The following PHLPP1 variants were observed in gnomAD, a reference collection of about 807,000 sequenced individuals.
The protein encoded by PHLPP1 is PH domain leucine-rich repeat-containing protein phosphatase 1.
PHLPP1 carries 42 observed loss-of-function variants against 117.2 expected under a neutral mutation model. The ratio of observed to expected loss-of-function variants is 0.36; its 90% CI spans 0.28 to 0.46. The LOEUF is 0.46. Among genes scored for constraint, PHLPP1 ranks in the 20% least tolerant of loss-of-function variants. The pLI is 1.00. For synonymous variants in PHLPP1, 1,042 were observed against 970.7 expected, an observed-to-expected ratio of 1.07 and a Z score of -1.37; for missense variants, 2,084 against 2,241.9, an observed-to-expected ratio of 0.93 and a Z score of 1.42.
chr18:62,896,408 C>T (rs1291497872), intron 6 of PHLPP1, among the ~76,000 whole-genome samples: 2 of 151,716 alleles, frequency 1.3e-5, no homozygotes, highest in African/African-American at 4.8e-5. Flanking sequence ...TCTCCTGTCT[C>T]AGCCTCCCTA....
chr18:62,864,402 T>C (rs1420402120), intron 4 of PHLPP1, among the ~76,000 whole-genome samples: 2 of 152,102 alleles, frequency 1.3e-5, no homozygotes, highest in African/African-American at 4.8e-5. Context: ...TTCTTCAGGC[T>C]GAATAGGGAC....
intron 8 of PHLPP1, among the ~76,000 whole-genome samples, chr18:62,912,606 CTT>C (rs1238031009): frequency 6.6e-6 from 1 of 151,468 alleles, no homozygotes; most frequent in Non-Finnish European, 1.5e-5. Flanking sequence ...ATATAAATAT[CTT>C]GAACAGTTCT....
rs760311012 is a variant in PHLPP1, at chr18:62,975,381, T to C, written c.3756-16T>C. On this transcript the variant is annotated splice_polypyrimidine_tract_variant and intron_variant, in intron 15 of 16. Transcript: ENST00000262719. ...TGGGCTGTGTTTGAGTGTCACCCCCTCTCTTCGGATTCCAGGAAACTTGGA... is the reference window on the plus strand; with the variant it reads ...TGGGCTGTGTTTGAGTGTCACCCCCCCTCTTCGGATTCCAGGAAACTTGGA... 8 of 1,587,424 alleles carry C rather than the reference T, an allele frequency of 5.0e-6. No individual in the cohort carries two copies. The highest frequency in any genetic ancestry group is 3.3e-5 in the Admixed American group (2 of 59,968).
At chr18:62,817,800 A>G (rs907740961) in intron 1 of PHLPP1, among the ~76,000 whole-genome samples, 2 of 152,156 alleles carry the variant, frequency 1.3e-5, no homozygotes, top group Non-Finnish European at 2.9e-5. Flanking sequence ...AAATCTTTAA[A>G]AAAGCACTGA....
intron 12 of PHLPP1, among the ~76,000 whole-genome samples, chr18:62,955,830 T>C (rs918455015): frequency 6.6e-6 from 1 of 152,206 alleles, no homozygotes; most frequent in African/African-American, 2.4e-5. Context: ...ACTACTTGCA[T>C]CCTAAATTAC....
At chr18:62,720,810 A>G (rs1335390484) in intron 1 of PHLPP1, among the ~76,000 whole-genome samples, 1 of 152,080 alleles carries the variant, frequency 6.6e-6, no homozygotes. Context: ...GATAACATCT[A>G]CAATACATTG....
At chr18:62,858,172 T>C (rs1915543702) in intron 3 of PHLPP1, among the ~76,000 whole-genome samples, 1 of 152,164 alleles carries the variant, frequency 6.6e-6, no homozygotes, top group Admixed American at 6.5e-5. Flanking sequence ...TAGAGATAAG[T>C]CCTGCCCAGC....
intron 1 of PHLPP1, among the ~76,000 whole-genome samples, chr18:62,730,524 A>T (rs900684596): frequency 3.3e-5 from 5 of 152,106 alleles, no homozygotes; most frequent in East Asian, 1.9e-4. Flanking sequence ...AGGTGATTTT[A>T]AAAAAATCTG....
intron 9 of PHLPP1, among the ~76,000 whole-genome samples, chr18:62,919,079 AAATT>A (rs1161413532): frequency 1.3e-5 from 2 of 152,170 alleles, no homozygotes; most frequent in South Asian, 2.1e-4. Context: ...GCAGATTAAT[AAATT>A]AATTTATTAA....
intron 12 of PHLPP1, among the ~76,000 whole-genome samples, chr18:62,952,635 A>AT (rs1361428005): frequency 6.6e-6 from 1 of 152,146 alleles, no homozygotes; most frequent in Non-Finnish European, 1.5e-5. Context: ...TACAAATATG[A>AT]TTTTTTTAAA....
rs369245227 is a variant in PHLPP1, at chr18:62,838,795, G to A, written c.1785G>A (p.Val595=). Residue 595 remains valine (V), a synonymous_variant, in exon 3 of 17, where the codon GTG becomes GTA. Transcript: ENST00000262719. ...LPLIGGKVEE[V]KKHQHCLAFS... ...GTTTGCTTTTATAGGTAGAAGAAGT[G>A]AAAAAGCACCAACACTGTTTAGCAT... The A allele has an allele frequency of 1.4e-4, 222 of 1,613,556 alleles. No individual in the cohort carries two copies. The highest frequency in any genetic ancestry group is 1.7e-4 in the Non-Finnish European group (197 of 1,179,704).
At position 62,756,871 on chromosome 18, in the gene PHLPP1, T is replaced by C. The variant is rs192955262; in HGVS notation, c.1576+39612T>C. On this transcript the variant is annotated intron_variant, in intron 1 of 16. Coordinates refer to ENST00000262719, the MANE Select transcript of PHLPP1 (RefSeq NM_194449.4). ...AGCACATGGCTATTTGCAGGACAGGTAGATACTTCAACAAAAGTGGGGTTT... is the reference window on the plus strand; with the variant it reads ...AGCACATGGCTATTTGCAGGACAGGCAGATACTTCAACAAAAGTGGGGTTT... Among the ~76,000 whole-genome samples, 14 of 152,226 alleles carry C rather than the reference T, an allele frequency of 9.2e-5. No homozygotes were observed. In the East Asian group the frequency reaches 2.5e-3, roughly 27 times the overall value.
At chr18:62,958,553 A>G (rs1331405334) in intron 12 of PHLPP1, 76 bp from the exon 13 acceptor site, 2 of 1,432,394 alleles carry the variant, frequency 1.4e-6, no homozygotes, top group African/African-American at 2.8e-5. Context: ...TTTGCATGCA[A>G]AGAGTAGGAG....
chr18:62,762,524 C>T (rs1378169737), intron 1 of PHLPP1, among the ~76,000 whole-genome samples: 1 of 151,466 alleles, frequency 6.6e-6, no homozygotes, highest in Non-Finnish European at 1.5e-5. Context: ...AGCGATTCTC[C>T]TGTCTCAGCC....
chr18:62,804,223 A>G (rs1913872605), intron 1 of PHLPP1, among the ~76,000 whole-genome samples: 1 of 152,138 alleles, frequency 6.6e-6, no homozygotes, highest in Non-Finnish European at 1.5e-5. Flanking sequence ...CTCACTCACC[A>G]TCATGAGAAC....
intron 1 of PHLPP1, among the ~76,000 whole-genome samples, chr18:62,786,577 A>G (rs146595010): frequency 4.0e-4 from 61 of 152,336 alleles, no homozygotes; most frequent in Non-Finnish European, 6.6e-4. Context: ...TCATTTAAAC[A>G]TCTGATTTTC....
chr18:62,945,829 G>A (rs1027705971), intron 12 of PHLPP1, among the ~76,000 whole-genome samples: 2 of 152,208 alleles, frequency 1.3e-5, no homozygotes, highest in Non-Finnish European at 2.9e-5. Context: ...GGACACTGAG[G>A]TGCTGAAAAG....
intron 12 of PHLPP1, among the ~76,000 whole-genome samples, chr18:62,955,056 C>G (rs954433587): frequency 6.6e-6 from 1 of 152,110 alleles, no homozygotes; most frequent in African/African-American, 2.4e-5. Flanking sequence ...CAAGGGACAC[C>G]AAATTGAAAC....
intron 1 of PHLPP1, among the ~76,000 whole-genome samples, chr18:62,722,139 A>G (rs1910939186): frequency 6.6e-6 from 1 of 152,172 alleles, no homozygotes; most frequent in African/African-American, 2.4e-5. Context: ...ACATACTATT[A>G]ATATCTTCTA....
Sources: allele counts gnomAD v4.1 joint callset (sites outside exome capture counted in the v4.1 genomes callset), GRCh38; gene constraint gnomAD v4.1.1; transcripts MANE v1.5; gene names NCBI Gene and HGNC (gene_info 2026-07-23, HGNC 2026-07-21).